PCLO: variants seen among roughly 807,000 people sequenced by gnomAD.
PCLO encodes the protein piccolo presynaptic cytomatrix protein, also known as protein piccolo.
PCLO carries 82 observed loss-of-function variants against 427.5 expected under a neutral mutation model. The observed-to-expected ratio is 0.19, with a 90% confidence interval of 0.16 to 0.23. The LOEUF is 0.23. Ranked by LOEUF, PCLO falls within the 10% of genes least tolerant of loss-of-function variation. PCLO has a pLI of 1.00. For missense variants in PCLO, 6,239 were observed against 6,115.9 expected (o/e 1.02, Z -0.67); for synonymous variants, 2,357 against 2,155.4 (o/e 1.09, Z -2.59).
intron 3 of PCLO, among the ~76,000 whole-genome samples, chr7:82,988,783 C>T (rs1796309606): frequency 1.3e-5 from 2 of 151,360 alleles, no homozygotes; most frequent in African/African-American, 4.8e-5. Context: ...CTTTTCAGAA[C>T]ATTTACTTCT....
chr7:83,029,225 T>C (rs1788591025), intron 3 of PCLO, among the ~76,000 whole-genome samples: 1 of 143,364 alleles, frequency 7.0e-6, no homozygotes, highest in African/African-American at 2.6e-5. Flanking sequence ...AAAGGGCTAA[T>C]ATCCAGAATC....
chr7:82,889,097 G>C (rs1383547762), intron 9 of PCLO, among the ~76,000 whole-genome samples: 1 of 151,986 alleles, frequency 6.6e-6, no homozygotes, highest in Non-Finnish European at 1.5e-5. Context: ...GTAGGACCTA[G>C]GGGCGCTCCA....
intron 3 of PCLO, among the ~76,000 whole-genome samples, chr7:82,969,654 T>C (rs2115689706): frequency 6.6e-6 from 1 of 152,196 alleles, no homozygotes; most frequent in African/African-American, 2.4e-5. Flanking sequence ...AATGACAAAA[T>C]AATTCATTCA....
chr7:82,765,064 T>C (rs546559080), intron 22 of PCLO, among the ~76,000 whole-genome samples: 73 of 151,920 alleles, frequency 4.8e-4, no homozygotes, highest in Non-Finnish European at 8.0e-4. Flanking sequence ...AATGAAGCTA[T>C]TATCAAATTA....
In PCLO at chr7:82,895,239, G is replaced by A. The variant is rs1793873190; in HGVS notation, c.13528+7412C>T. 2.0e-5 allele frequency among the ~76,000 whole-genome samples: 3 copies of A among 151,704 alleles called. No homozygotes were observed. The South Asian group carries it at 6.2e-4, about 31-fold the overall frequency. On this transcript the variant is annotated intron_variant, in intron 9 of 24. Transcript: ENST00000333891. Reference sequence around the variant, plus strand: ...AAAACATGTTTCTAAATAAACAATAGGTAAGAGAAAAAATTACAAGGGAAT... The same window carrying A: ...AAAACATGTTTCTAAATAAACAATAAGTAAGAGAAAAAATTACAAGGGAAT...
At chr7:83,059,379 TAA>T (rs796686018) in intron 3 of PCLO, among the ~76,000 whole-genome samples, 30,536 of 124,662 alleles carry the variant, frequency 0.24, 4,162 homozygotes, top group East Asian at 0.54. Context: ...TATATATATA[TAA>T]AAATGAAAAA....
At chr7:83,045,291 T>TG (rs200140142) in intron 3 of PCLO, among the ~76,000 whole-genome samples, 2,578 of 152,220 alleles carry the variant, frequency 0.017, 30 homozygotes, top group Non-Finnish European at 0.025. Context: ...GTAATTGTAT[T>TG]GGGGGTGGAG....
intron 3 of PCLO, among the ~76,000 whole-genome samples, chr7:83,054,060 A>G (rs1789318146): frequency 6.6e-6 from 1 of 152,002 alleles, no homozygotes; most frequent in African/African-American, 2.4e-5. Context: ...AATAACCACC[A>G]TGATCTGAAC....
chr7:83,138,410 C>A (rs907179213), intron 2 of PCLO, among the ~76,000 whole-genome samples: 9 of 152,226 alleles, frequency 5.9e-5, no homozygotes, highest in Admixed American at 5.2e-4. Context: ...CCTGTAATCC[C>A]AGCACTTTGG....
chr7:83,007,219 A>G (rs1416597968), intron 3 of PCLO, among the ~76,000 whole-genome samples: 1 of 151,566 alleles, frequency 6.6e-6, no homozygotes, highest in Non-Finnish European at 1.5e-5. Context: ...ATATGAGCAA[A>G]CAATTCCCAA....
intron 2 of PCLO, among the ~76,000 whole-genome samples, chr7:83,142,910 A>C (rs964075160): frequency 1.3e-5 from 2 of 152,094 alleles, no homozygotes; most frequent in African/African-American, 4.8e-5. Flanking sequence ...GTGAGTTGAG[A>C]TCATGCCACT....
At position 82,892,315 on chromosome 7, in the gene PCLO, A is replaced by G. The variant is rs7783938; in HGVS notation, c.13528+10336T>C. The stretch of plus-strand genomic sequence containing the variant: ...GATCTTTGACAAACCTGACAAAAAC[A>G]AGAAATGGGGAAAGGATTCCCTATT... On this transcript the variant is annotated intron_variant, in intron 9 of 24. Coordinates refer to ENST00000333891, the MANE Select transcript of PCLO (RefSeq NM_033026.6). Among the ~76,000 whole-genome samples the G allele has an allele frequency of 8.0e-3, 1,212 of 152,298 alleles. 22 individuals are homozygous for G. The highest frequency in any genetic ancestry group is 0.026 in the African/African-American group (1,098 of 41,562).
chr7:82,998,912 T>C lies in PCLO; in HGVS notation c.3301-32425A>G, dbSNP rs188780143. ...TTTAAAACAAGTATAATTAATATGA[T>C]AATTGTTCTAATAGATGAAGTATAT... On this transcript the variant is annotated intron_variant, in intron 3 of 24. Transcript: ENST00000333891. 1.5e-4 allele frequency among the ~76,000 whole-genome samples: 23 copies of C among 151,946 alleles called. No homozygotes were observed. In the East Asian group the frequency reaches 4.3e-3, roughly 28 times the overall value.
intron 16 of PCLO, among the ~76,000 whole-genome samples, chr7:82,832,259 ATTAT>A (rs1400007804): frequency 6.6e-6 from 1 of 151,842 alleles, no homozygotes; most frequent in South Asian, 2.1e-4. Context: ...TGTTGGTTTG[ATTAT>A]TTATTTTTTG....
At chr7:82,968,517 C>CTTTTTTTTTTTTTTTTTTTTT (rs11324005) in intron 3 of PCLO, among the ~76,000 whole-genome samples, 15 of 73,218 alleles carry the variant, frequency 2.0e-4, no homozygotes, top group African/African-American at 7.2e-4. Context: ...CAGAGTCTGA[C>CTTTTTTTTTTTTTTTTTTTTT]TTTTTTTTTT....
intron 6 of PCLO, among the ~76,000 whole-genome samples, chr7:82,931,665 T>C (rs2116341013): frequency 6.6e-6 from 1 of 152,202 alleles, no homozygotes; most frequent in South Asian, 2.1e-4. Flanking sequence ...GTAGAGCAAT[T>C]CAGAATATGG....
Position 82,949,982 on chromosome 7 carries a change from T to C in PCLO, c.10606A>G (p.Thr3536Ala). ...TCCACTCGTGCCCGTATGGAGGGTG[T>C]TCTTATGGTTCCAACTGGTTCAGTT... is the stretch of plus-strand genomic sequence containing the variant. ...VQTEPVGTIR[T>A]PSIRARVDAK... Residue 3536 changes from threonine to alanine, a missense_variant, in exon 6 of 25, where the codon ACA becomes GCA. By Grantham distance (58) the Thr-to-Ala change is moderately conservative. Coordinates refer to ENST00000333891, the MANE Select transcript of PCLO (RefSeq NM_033026.6). 3 of 1,613,562 alleles carry C rather than the reference T, an allele frequency of 1.9e-6. No homozygotes were observed. The highest frequency in any genetic ancestry group is 2.5e-6 in the Non-Finnish European group (3 of 1,179,816).
intron 3 of PCLO, among the ~76,000 whole-genome samples, chr7:83,015,543 A>C (rs2116020716): frequency 6.6e-6 from 1 of 152,282 alleles, no homozygotes; most frequent in Admixed American, 6.5e-5. Flanking sequence ...ACATTTTGAT[A>C]ATAAAAAATT....
chr7:82,945,841 A>G (rs1037759660), intron 6 of PCLO, among the ~76,000 whole-genome samples: 1 of 152,230 alleles, frequency 6.6e-6, no homozygotes, highest in Non-Finnish European at 1.5e-5. Flanking sequence ...TTTAAACTGG[A>G]ATTTTAAGGA....
Sources: gnomAD v4.1 joint callset for allele counts (sites outside exome capture counted in the v4.1 genomes callset) on GRCh38, gnomAD v4.1.1 for gene constraint, MANE v1.5 for transcripts, NCBI Gene and HGNC (gene_info 2026-07-23, HGNC 2026-07-21) for gene names.